The following TEAD2 variants were observed in gnomAD, a reference collection of about 807,000 sequenced individuals.
TEAD2 encodes the protein transcriptional enhancer factor TEF-4.
TEAD2 carries 51 observed loss-of-function variants against 61.4 expected under a neutral mutation model. That is an observed-to-expected ratio of 0.83 (90% confidence interval 0.66 to 1.05). TEAD2 has a LOEUF of 1.05. Ranked by LOEUF, TEAD2 falls within the 50% of genes least tolerant of loss-of-function variation. The pLI, the probability that TEAD2 is intolerant of heterozygous loss-of-function variation, is 0.00. For synonymous variants in TEAD2, 244 were observed against 243.2 expected (o/e 1.00, Z -0.03); for missense variants, 509 against 600.0 (o/e 0.85, Z 1.58).
Position 49,341,875 on chromosome 19 carries a change from G to A in TEAD2, c.1243-438C>T, listed in dbSNP as rs116512626. On this transcript the variant is annotated intron_variant, in intron 12 of 12. Transcript: ENST00000593945. The surrounding 1 kb of genome is among the most constrained non-coding windows in gnomAD (Gnocchi z 4.2). Reference sequence around the variant, plus strand: ...AGTGCCCTCCAGTCAGCTTCACCAGGGAAGGAGGGACCCACCTTATGTGCG... The same window carrying A: ...AGTGCCCTCCAGTCAGCTTCACCAGAGAAGGAGGGACCCACCTTATGTGCG... Among the ~76,000 whole-genome samples the A allele has an allele frequency of 0.011, 1,617 of 152,166 alleles. 23 individuals are homozygous for A. Among genetic ancestry groups the A allele is most frequent in the African/African-American group, 0.037 (1,519 of 41,490 alleles).
In TEAD2 at chr19:49,351,366, C is replaced by T; in HGVS notation, c.540-1G>A. The T allele has an allele frequency of 6.2e-7, 1 of 1,609,338 alleles. No individual in the cohort carries two copies. The highest frequency in any genetic ancestry group is 8.5e-7 in the Non-Finnish European group (1 of 1,178,388). The stretch of plus-strand genomic sequence containing the variant: ...CGGTGTCTGTGAGAATGGCTTCACA[C>T]TGAGGGAAAAAGGAAGCCAGGGGTT... On this transcript the variant is annotated splice_acceptor_variant, in intron 7 of 12. Transcript: ENST00000593945. LOFTEE classifies it high-confidence loss of function.
In TEAD2 at chr19:49,347,202, C is replaced by A. The variant is rs753495509; in HGVS notation, c.909G>T (p.Leu303=). ...YDRGPPHAFF[L]VKFWADLNWG... ...TGTGAGAACTCACCCAGAACTTGAC[C>A]AGGAAGAAGGCATGGGGGGGGCCAC... The change falls in exon 10 of 13, where the codon CTG becomes CTT. Residue 303 remains leucine, a synonymous_variant. Transcript: ENST00000593945. 6.2e-7 allele frequency: 1 copy of A among 1,613,740 alleles called. No individual in the cohort carries two copies. The highest frequency in any genetic ancestry group is 8.5e-7 in the Non-Finnish European group (1 of 1,179,744).
intron 1 of TEAD2, among the ~76,000 whole-genome samples, chr19:49,360,878 T>G (rs1184231050): frequency 9.4e-5 from 7 of 74,346 alleles, no homozygotes; most frequent in East Asian, 4.5e-4. Flanking sequence ...GAGGTGGGGA[T>G]AGAGACCCAG....
chr19:49,346,059 G>A lies in TEAD2; in HGVS notation c.921+1131C>T, dbSNP rs113011931. 8.4e-3 allele frequency among the ~76,000 whole-genome samples: 1,267 copies of A among 151,682 alleles called. 19 individuals carry two copies. Among genetic ancestry groups the A allele is most frequent in the African/African-American group, 0.029 (1,178 of 41,274 alleles). On this transcript the variant is annotated intron_variant, in intron 10 of 12. Transcript: ENST00000593945. Reference sequence around the variant, plus strand: ...GCATGCCTGTAATCCCAGCTACTTGGGAGGCTGAGGCTGGAGAATCGCTTG... The same window carrying A: ...GCATGCCTGTAATCCCAGCTACTTGAGAGGCTGAGGCTGGAGAATCGCTTG...
intron 3 of TEAD2, 133 bp from the exon 4 acceptor site, chr19:49,357,447 C>T: frequency 1.1e-6 from 1 of 946,806 alleles, no homozygotes; most frequent in East Asian, 2.6e-5. Flanking sequence ...AGATGAGAGC[C>T]ATCTCGGGAG....
chr19:49,344,743 G>A (rs1362277692), intron 10 of TEAD2, among the ~76,000 whole-genome samples: 5 of 152,138 alleles, frequency 3.3e-5, no homozygotes, highest in African/African-American at 1.2e-4. Flanking sequence ...CCCTAGCAAC[G>A]GGACCTCACG....
In TEAD2 at chr19:49,359,598, G is replaced by A; in HGVS notation, c.233-99C>T. On this transcript the variant is annotated intron_variant, in intron 2 of 12. Coordinates refer to ENST00000593945, the MANE Select transcript of TEAD2 (RefSeq NM_001256660.2). The surrounding 1 kb of genome is among the most constrained non-coding windows in gnomAD (Gnocchi z 4.1). Reference sequence around the variant, plus strand: ...GAAGAAAGCAGCATGGGTCCCCAAAGGTCTGCAGCAAGTGGGCTGCCGGTC... The same window carrying A: ...GAAGAAAGCAGCATGGGTCCCCAAAAGTCTGCAGCAAGTGGGCTGCCGGTC... The A allele has an allele frequency of 4.2e-6, 6 of 1,412,546 alleles. No individual in the cohort carries two copies. The South Asian group carries it at 7.1e-5, about 17-fold the overall frequency. 87.5% of individuals were successfully genotyped at this position (1,412,546 alleles called of 1,614,324 possible).
At position 49,341,037 on chromosome 19, in the gene TEAD2, C is replaced by A; in HGVS notation, c.*287G>T. On this transcript the variant is annotated 3_prime_UTR_variant, in exon 13 of 13. Transcript: ENST00000593945. The surrounding 1 kb of genome is among the most constrained non-coding windows in gnomAD (Gnocchi z 4.2). ...GTGCTGTACCTGGGGGGTTGTCTCA[C>A]TCCTGTCCCCACAATCCCTGATACT... 1 of 345,094 alleles carries A rather than the reference C, an allele frequency of 2.9e-6. No individual in the cohort carries two copies. Among genetic ancestry groups the A allele is most frequent in the Non-Finnish European group, 5.4e-6 (1 of 183,684 alleles). The allele number at this position is 345,094 out of a possible 1,614,324, so 21.4% of individuals were successfully genotyped here. A position where few individuals can be genotyped will look rare whatever the true frequency, so the allele number is the denominator to read the frequency against.
chr19:49,348,625 C>T, intron 9 of TEAD2, 78 bp downstream of exon 9: 2 of 1,334,276 alleles, frequency 1.5e-6, no homozygotes, highest in African/African-American at 2.9e-5. Context: ...AGTTTTAAAA[C>T]CATGACTTTA....
Position 49,341,424 on chromosome 19 carries a change from CTGTT to C in TEAD2, c.1252_1255del (p.Asn418GlufsTer68), listed in dbSNP as rs1316685286. 1.9e-6 allele frequency: 3 copies of C among 1,613,748 alleles called. No individual in the cohort carries two copies. The highest frequency in any genetic ancestry group is 1.7e-5 in the Admixed American group (1 of 59,992). On this transcript the variant is annotated frameshift_variant, in exon 13 of 13. Coordinates refer to ENST00000593945, the MANE Select transcript of TEAD2 (RefSeq NM_001256660.2). LOFTEE classifies it high-confidence loss of function. This position sits in a 1 kb window ranked among gnomAD's most constrained non-coding sequence, Gnocchi z 4.2. ...GCAGAGCAGCAGTTCCTGGGTGTCT[CTGTT>C]TGTCACCACCTGCCAGGAAGGCCAG...
At chr19:49,348,904 A>G in intron 8 of TEAD2, 59 bp from the exon 9 acceptor site, 1 of 1,435,722 alleles carries the variant, frequency 7.0e-7, no homozygotes, top group Non-Finnish European at 9.1e-7. Context: ...TATATCAGGT[A>G]CTGTTGTCTC....
Position 49,342,402 on chromosome 19 carries a change from T to A in TEAD2, c.1242+36A>T, listed in dbSNP as rs199563005. The A allele has an allele frequency of 2.5e-6, 4 of 1,607,130 alleles. No homozygotes were observed. The East Asian group carries it at 9.0e-5, about 36-fold the overall frequency. Reference sequence around the variant, plus strand: ...TGTTATAGGTACTGTCCCTCCACACTGGGGGGCCCCACTCCAGCCCAGCCC... The same window carrying A: ...TGTTATAGGTACTGTCCCTCCACACAGGGGGGCCCCACTCCAGCCCAGCCC... On this transcript the variant is annotated intron_variant, in intron 12 of 12. Coordinates refer to ENST00000593945, the MANE Select transcript of TEAD2 (RefSeq NM_001256660.2).
chr19:49,347,180 G>A lies in TEAD2; in HGVS notation c.921+10C>T, dbSNP rs148131005. The A allele has an allele frequency of 1.3e-3, 2,134 of 1,612,120 alleles. 25 individuals are homozygous for A. In the African/African-American group the frequency reaches 0.025, roughly 19 times the overall value. ...TTGTGAGCACTTTTGATTTTGCTGT[G>A]AGAACTCACCCAGAACTTGACCAGG... is the stretch of plus-strand genomic sequence containing the variant. On this transcript the variant is annotated intron_variant, in intron 10 of 12. Coordinates refer to ENST00000593945, the MANE Select transcript of TEAD2 (RefSeq NM_001256660.2).
At chr19:49,343,210 G>A (rs750947632) in intron 11 of TEAD2, 21 bp downstream of exon 11, 99 of 1,594,542 alleles carry the variant, frequency 6.2e-5, no homozygotes, top group Admixed American at 8.6e-5. Flanking sequence ...CTGACCCAGA[G>A]CTCCACCCCT....
At chr19:49,351,464 T>G in intron 7 of TEAD2, 99 bp from the exon 8 acceptor site, 1 of 1,133,080 alleles carries the variant, frequency 8.8e-7, no homozygotes, top group Non-Finnish European at 1.3e-6. Context: ...ACCCTGTGCA[T>G]TTTGTGCACA....
chr19:49,347,534 C>A, intron 9 of TEAD2, 171 bp from the exon 10 acceptor site: 1 of 690,486 alleles, frequency 1.4e-6, no homozygotes, highest in East Asian at 2.7e-5. Flanking sequence ...CCTGCTTCTG[C>A]ACCCAGTCCC....
chr19:49,358,023 A>C (rs979974374), intron 3 of TEAD2, among the ~76,000 whole-genome samples: 2 of 152,160 alleles, frequency 1.3e-5, no homozygotes, highest in Admixed American at 6.6e-5. Context: ...ACCTGAGGTC[A>C]GGAGTTCGAG....
At chr19:49,358,391 G>C (rs1186915008) in intron 3 of TEAD2, among the ~76,000 whole-genome samples, 2 of 151,154 alleles carry the variant, frequency 1.3e-5, no homozygotes, top group Admixed American at 1.3e-4. Flanking sequence ...CTCCAGCTTG[G>C]GAGACACAGT....
At chr19:49,342,287 T>C (rs1377325847) in intron 12 of TEAD2, 151 bp downstream of exon 12, 13 of 1,046,280 alleles carry the variant, frequency 1.2e-5, no homozygotes, top group Non-Finnish European at 1.7e-5. Context: ...TGCATCAGTT[T>C]CCTAGTTAAA....
Sources: allele counts gnomAD v4.1 joint callset (sites outside exome capture counted in the v4.1 genomes callset), GRCh38; gene constraint gnomAD v4.1.1; non-coding constraint Gnocchi (gnomAD v3.1); transcripts MANE v1.5; gene names NCBI Gene and HGNC (gene_info 2026-07-23, HGNC 2026-07-21).